Variants in UNC13C observed in about 807,000 individuals in gnomAD.
The protein encoded by UNC13C is unc-13 homolog C.
UNC13C carries 174 observed loss-of-function variants against 245.4 expected under a neutral mutation model. The observed-to-expected ratio is 0.71, with a 90% CI of 0.63 to 0.80. The LOEUF is 0.80. Ranked by LOEUF, UNC13C falls within the 30% of genes least tolerant of loss-of-function variation. The pLI is 0.00. For synonymous variants in UNC13C, 992 were observed against 895.1 expected (o/e 1.11, Z -1.93); for missense variants, 2,829 against 2,602.9 (o/e 1.09, Z -1.89).
At chr15:54,280,458 A>T (rs1238876355) in intron 10 of UNC13C, among the ~76,000 whole-genome samples, 1 of 151,464 alleles carries the variant, frequency 6.6e-6, no homozygotes, top group South Asian at 2.1e-4. Flanking sequence ...ACTTTCTATT[A>T]AAATATTGAC....
chr15:54,004,208 C>T (rs150748460), intron 1 of UNC13C, among the ~76,000 whole-genome samples: 47 of 152,268 alleles, frequency 3.1e-4, no homozygotes, highest in African/African-American at 1.1e-3. Flanking sequence ...TTTCTATCTC[C>T]ATGAGTTCAG....
At chr15:54,048,525 C>T in intron 2 of UNC13C, 1 of 549,216 alleles carries the variant, frequency 1.8e-6, no homozygotes, top group Non-Finnish European at 3.5e-6. Context: ...AGTATGTGGG[C>T]CATTTTTTGA....
intron 30 of UNC13C, among the ~76,000 whole-genome samples, chr15:54,585,870 A>C (rs904562241): frequency 2.6e-5 from 4 of 152,232 alleles, no homozygotes; most frequent in Admixed American, 2.0e-4. Context: ...ACCATTTGTC[A>C]AACAACTTTC....
At chr15:53,867,976 A>G in the UNC13C span, among the ~76,000 whole-genome samples, 15 of 152,154 alleles carry the variant, frequency 9.9e-5, no homozygotes, top group Non-Finnish European at 1.9e-4. Flanking sequence ...GACCACAGGC[A>G]CCTGCCACCA....
chr15:54,222,840 A>T lies in UNC13C; in HGVS notation c.3072-12190A>T, dbSNP rs7167485. ...ATTTTGATTTGCATTTCTCTGATAAACAGTGATGTTTGAGCACATTTTCAT... is the reference window on the plus strand; with the variant it reads ...ATTTTGATTTGCATTTCTCTGATAATCAGTGATGTTTGAGCACATTTTCAT... On this transcript the variant is annotated intron_variant, in intron 4 of 32. Coordinates refer to ENST00000260323, the MANE Select transcript of UNC13C (RefSeq NM_001080534.3). Among the ~76,000 whole-genome samples, 294 of 152,160 alleles carry T rather than the reference A, an allele frequency of 1.9e-3. 2 individuals carry two copies. The highest frequency in any genetic ancestry group is 6.6e-3 in the African/African-American group (276 of 41,560).
At chr15:54,503,755 A>G (rs1894338513) in intron 22 of UNC13C, among the ~76,000 whole-genome samples, 1 of 152,186 alleles carries the variant, frequency 6.6e-6, no homozygotes, top group Non-Finnish European at 1.5e-5. Context: ...CAAGAACTGC[A>G]AACTATTGCA....
At chr15:54,032,634 C>A (rs1896406775) in intron 2 of UNC13C, among the ~76,000 whole-genome samples, 1 of 152,146 alleles carries the variant, frequency 6.6e-6, no homozygotes, top group South Asian at 2.1e-4. Context: ...CCTTCTAAAT[C>A]ATTTAGGCCA....
chr15:53,969,063 A>C, the UNC13C span, among the ~76,000 whole-genome samples: 6 of 152,214 alleles, frequency 3.9e-5, no homozygotes, highest in Non-Finnish European at 8.8e-5. Context: ...GATAAAGAGA[A>C]TAATTACATT....
intron 17 of UNC13C, among the ~76,000 whole-genome samples, chr15:54,374,651 C>T (rs1372715156): frequency 1.3e-5 from 2 of 152,216 alleles, no homozygotes; most frequent in Admixed American, 6.5e-5. Flanking sequence ...CTTCTAGGGC[C>T]CCTGAGCTCA....
chr15:54,142,618 G>C (rs941424647), intron 2 of UNC13C, among the ~76,000 whole-genome samples: 9 of 152,196 alleles, frequency 5.9e-5, no homozygotes, highest in African/African-American at 2.2e-4. Context: ...TTGCGAGGCA[G>C]TTAGTCAAAG....
At chr15:54,098,467 A>C (rs964816627) in intron 2 of UNC13C, among the ~76,000 whole-genome samples, 1 of 152,098 alleles carries the variant, frequency 6.6e-6, no homozygotes, top group Admixed American at 6.6e-5. Context: ...GAGCTACCCT[A>C]TCCGGCCCCT....
chr15:53,920,748 A>T, the UNC13C span, among the ~76,000 whole-genome samples: 1 of 151,436 alleles, frequency 6.6e-6, no homozygotes, highest in East Asian at 1.9e-4. Context: ...TTCTCAAAAA[A>T]CATTAACTTA....
chr15:54,607,621 GGT>G (rs906146877), intron 30 of UNC13C, among the ~76,000 whole-genome samples: 3 of 152,108 alleles, frequency 2.0e-5, no homozygotes, highest in Non-Finnish European at 2.9e-5. Context: ...AAGAAAAGAG[GGT>G]TAATTGACTC....
intron 2 of UNC13C, among the ~76,000 whole-genome samples, chr15:54,104,698 T>TA (rs370582594): frequency 2.6e-5 from 4 of 151,030 alleles, no homozygotes; most frequent in Admixed American, 6.6e-5. Flanking sequence ...GTTTTTTTTT[T>TA]AAATTCTGCT....
intron 1 of UNC13C, among the ~76,000 whole-genome samples, chr15:53,998,620 T>C (rs1346096795): frequency 1.3e-5 from 2 of 152,162 alleles, no homozygotes; most frequent in African/African-American, 2.4e-5. Context: ...TTTTGCCTTA[T>C]TGACCTATCT....
At chr15:54,407,562 G>A (rs538305811) in intron 18 of UNC13C, among the ~76,000 whole-genome samples, 1 of 152,216 alleles carries the variant, frequency 6.6e-6, no homozygotes, top group African/African-American at 2.4e-5. Context: ...AAGAAACTTT[G>A]CATTCTTTTT....
chr15:54,538,979 G>A (rs967740244), intron 26 of UNC13C, among the ~76,000 whole-genome samples: 8 of 151,890 alleles, frequency 5.3e-5, no homozygotes, highest in Non-Finnish European at 1.0e-4. Context: ...ATTTGCACAC[G>A]TGCCTTCTGA....
intron 10 of UNC13C, among the ~76,000 whole-genome samples, chr15:54,284,375 A>G (rs1248519818): frequency 6.6e-6 from 1 of 152,202 alleles, no homozygotes; most frequent in Non-Finnish European, 1.5e-5. Flanking sequence ...CTTATTTATT[A>G]TGCAAACGAT....
the UNC13C span, among the ~76,000 whole-genome samples, chr15:53,878,220 A>T: frequency 6.6e-6 from 1 of 152,090 alleles, no homozygotes; most frequent in Non-Finnish European, 1.5e-5. Flanking sequence ...TCAACTTAGA[A>T]ACTCCATCTG....
Sources: gnomAD v4.1 joint callset for allele counts (sites outside exome capture counted in the v4.1 genomes callset) on GRCh38, gnomAD v4.1.1 for gene constraint, MANE v1.5 for transcripts, NCBI Gene and HGNC (gene_info 2026-07-23, HGNC 2026-07-21) for gene names.